Variants in RPS29 observed in about 807,000 individuals in gnomAD.
RPS29 encodes small ribosomal subunit protein uS14.
For missense variants in RPS29, 60 were observed against 75.7 expected, an observed-to-expected ratio of 0.79 and a Z score of 0.77; for synonymous variants, 37 against 26.9, an observed-to-expected ratio of 1.37 and a Z score of -1.16.
chr14:49,582,202 G>A (rs1275790391), downstream of RPS29, among the ~76,000 whole-genome samples: 1 of 152,064 alleles, frequency 6.6e-6, no homozygotes, highest in East Asian at 1.9e-4. Flanking sequence ...GGAGGCTGCA[G>A]GAGAATCAGT....
downstream of RPS29, chr14:49,583,484 GAC>G: frequency 1.8e-6 from 1 of 562,052 alleles, no homozygotes; most frequent in South Asian, 2.7e-5. Flanking sequence ...CCAGCCTGGC[GAC>G]AGAGGGGGAC....
chr14:49,575,351 CTCTT>C (rs1461906653), exon 3 of RPS29: 2 of 152,208 alleles, frequency 1.3e-5, no homozygotes, highest in African/African-American at 4.8e-5. Context: ...CATCAGGGAT[CTCTT>C]TCTAAGGGGC....
chr14:49,597,576 A>G (rs983997311), intron 1 of RPS29: 2 of 152,322 alleles, frequency 1.3e-5, no homozygotes, highest in Admixed American at 6.5e-5. Flanking sequence ...CTTTAGCCAT[A>G]AAGTTTTGCT....
exon 1 of RPS29, chr14:49,598,572 T>C (rs1881893729): frequency 1.4e-6 from 1 of 702,236 alleles, no homozygotes; most frequent in Non-Finnish European, 2.6e-6. Flanking sequence ...CAGACAGTTC[T>C]AAGTGCCTTT....
At chr14:49,589,025 G>A (rs1449667668), upstream of RPS29, among the ~76,000 whole-genome samples, 3 of 151,854 alleles carry the variant, frequency 2.0e-5, no homozygotes, top group Non-Finnish European at 2.9e-5. Context: ...CCGAGTAGCT[G>A]GGACTACAGC....
intron 1 of RPS29, among the ~76,000 whole-genome samples, chr14:49,596,918 CTTT>C (rs11294951): frequency 3.6e-4 from 44 of 121,914 alleles, no homozygotes; most frequent in African/African-American, 1.2e-3. Flanking sequence ...TTTTCTTCTT[CTTT>C]TTTTTTTTTT....
At chr14:49,583,347 G>A (rs746049570), downstream of RPS29, among the ~76,000 whole-genome samples, 9 of 152,014 alleles carry the variant, frequency 5.9e-5, no homozygotes, top group African/African-American at 1.9e-4. Context: ...TCAAGAGATC[G>A]AGACCATCCT....
chr14:49,587,715 T>G (rs1423042660), upstream of RPS29, among the ~76,000 whole-genome samples: 1 of 152,224 alleles, frequency 6.6e-6, no homozygotes, highest in East Asian at 1.9e-4. Context: ...CAACAACATA[T>G]GTACAGCTAA....
exon 3 of RPS29, chr14:49,577,850 C>T: frequency 6.3e-7 from 1 of 1,589,492 alleles, no homozygotes; most frequent in Non-Finnish European, 8.6e-7. Context: ...CAGCTCAGGT[C>T]TTTCTGTAAT....
At chr14:49,592,199 T>G (rs1881727615) in intron 1 of RPS29, 1 of 152,040 alleles carries the variant, frequency 6.6e-6, no homozygotes. Context: ...TTATGGTATA[T>G]TTTTCCATGC....
rs1204477580 is a variant in RPS29 at position 49,585,947 on chromosome 14, T to C, written c.162+3A>G. 4.3e-6 allele frequency: 7 copies of C among 1,611,770 alleles called. No individual in the cohort carries two copies. The highest frequency in any genetic ancestry group is 1.3e-5 in the African/African-American group (1 of 74,860). On this transcript the variant is annotated splice_donor_region_variant and intron_variant, in intron 2 of 2. Transcript: ENST00000245458. ...AACATGGAGTACGCCTGCAGACGCC[T>C]ACCTTAATGAAACCGATATCCTTCG...
At chr14:49,580,089 T>A (rs1881293901), downstream of RPS29, among the ~76,000 whole-genome samples, 1 of 152,130 alleles carries the variant, frequency 6.6e-6, no homozygotes, top group Non-Finnish European at 1.5e-5. Flanking sequence ...GTGTTTCCCT[T>A]CCATTACCTA....
intron 1 of RPS29, among the ~76,000 whole-genome samples, chr14:49,595,416 C>A (rs1406852953): frequency 1.3e-5 from 2 of 151,688 alleles, no homozygotes; most frequent in East Asian, 2.0e-4. Context: ...CAAGAACCCC[C>A]ATCTCTAGCA....
chr14:49,598,491 G>A (rs1459681706), exon 1 of RPS29: 7 of 702,274 alleles, frequency 1.0e-5, no homozygotes, highest in East Asian at 5.4e-5. Flanking sequence ...TGCCTCCGGA[G>A]AGCAGCCACC....
At chr14:49,597,655 A>AT (rs1288607942) in intron 1 of RPS29, 2 of 96,776 alleles carry the variant, frequency 2.1e-5, no homozygotes, top group Admixed American at 1.1e-4. Context: ...AGGGAAAGTA[A>AT]TTTCTTTTTT....
downstream of RPS29, among the ~76,000 whole-genome samples, chr14:49,578,623 T>C (rs2139504121): frequency 7.4e-6 from 1 of 135,366 alleles, no homozygotes; most frequent in East Asian, 2.0e-4. Flanking sequence ...TGCAGTGGCA[T>C]GATCTCGATT....
exon 3 of RPS29, chr14:49,572,756 TA>T (rs1424972231): frequency 6.6e-6 from 1 of 152,136 alleles, no homozygotes; most frequent in African/African-American, 2.4e-5. Flanking sequence ...TAGAAAACTT[TA>T]AAGAAAATTG....
chr14:49,573,011 T>G (rs1881090628), exon 3 of RPS29: 1 of 150,470 alleles, frequency 6.6e-6, no homozygotes, highest in Non-Finnish European at 1.5e-5. Flanking sequence ...GAGGCTGCAG[T>G]AAGCCAAGAT....
At chr14:49,579,467 C>G (rs1057127717), downstream of RPS29, among the ~76,000 whole-genome samples, 1 of 152,126 alleles carries the variant, frequency 6.6e-6, no homozygotes, top group Non-Finnish European at 1.5e-5. Context: ...TTTGGGAGAC[C>G]AAGGCAAGAG....
Sources: gnomAD v4.1 joint callset for allele counts (sites outside exome capture counted in the v4.1 genomes callset) on GRCh38, gnomAD v4.1.1 for gene constraint, MANE v1.5 for transcripts, NCBI Gene and HGNC (gene_info 2026-07-23, HGNC 2026-07-21) for gene names.